HOOK1: variants seen among roughly 807,000 people sequenced by gnomAD.
HOOK1 encodes protein Hook homolog 1.
Under a neutral mutation model 112.8 loss-of-function variants are expected in HOOK1, and 60 were observed. That is an observed-to-expected ratio of 0.53 (90% CI 0.43 to 0.66). HOOK1 has a LOEUF of 0.66. Ranked by LOEUF, HOOK1 falls within the 30% of genes least tolerant of loss-of-function variation. The pLI is 0.00. For synonymous variants in HOOK1, 294 were observed against 283.8 expected (o/e 1.04, Z -0.36); for missense variants, 770 against 856.0 (o/e 0.90, Z 1.25).
intron 1 of HOOK1, chr1:59,815,386 G>A (rs2098380512): frequency 1.7e-6 from 1 of 589,954 alleles, no homozygotes; most frequent in Admixed American, 3.0e-5. Context: ...GGGGGTGGGG[G>A]TAAAGGAAGC....
intron 3 of HOOK1, among the ~76,000 whole-genome samples, chr1:59,831,949 G>A (rs1305803322): frequency 2.6e-5 from 4 of 152,148 alleles, no homozygotes; most frequent in African/African-American, 9.7e-5. Flanking sequence ...TGAGTTCATT[G>A]TGACCCACTT....
intron 12 of HOOK1, among the ~76,000 whole-genome samples, chr1:59,856,066 C>T (rs1489806180): frequency 7.2e-6 from 1 of 138,032 alleles, no homozygotes; most frequent in African/African-American, 2.7e-5. Context: ...GGAATCTGCC[C>T]ACCTCAGCCT....
chr1:59,872,337 G>A (rs895934548), intron 21 of HOOK1, among the ~76,000 whole-genome samples: 13 of 152,120 alleles, frequency 8.5e-5, no homozygotes, highest in African/African-American at 2.4e-5. Flanking sequence ...ATTGCTAGAC[G>A]CACTGGCAGA....
chr1:59,867,168 T>A (rs922253324), intron 19 of HOOK1, among the ~76,000 whole-genome samples: 1 of 152,220 alleles, frequency 6.6e-6, no homozygotes, highest in African/African-American at 2.4e-5. Context: ...GTTAAGATAC[T>A]GGCTAAAGTA....
At chr1:59,829,097 G>T (rs2098392031) in intron 3 of HOOK1, among the ~76,000 whole-genome samples, 2 of 152,174 alleles carry the variant, frequency 1.3e-5, no homozygotes, top group South Asian at 4.1e-4. Flanking sequence ...GCCCTAGGTA[G>T]CTATAGATCT....
chr1:59,865,997 C>G, intron 19 of HOOK1, 25 bp downstream of exon 19: 1 of 1,313,134 alleles, frequency 7.6e-7, no homozygotes, highest in Non-Finnish European at 1.1e-6. Flanking sequence ...TTTCGGAGCT[C>G]AAGACTTTGT....
intron 12 of HOOK1, among the ~76,000 whole-genome samples, chr1:59,851,093 T>C (rs766810512): frequency 6.6e-6 from 1 of 151,628 alleles, no homozygotes; most frequent in Non-Finnish European, 1.5e-5. Context: ...TGTAGTTAAG[T>C]TTTGAAATTG....
chr1:59,868,412 T>G, intron 20 of HOOK1, 61 bp downstream of exon 20: 1 of 933,314 alleles, frequency 1.1e-6, no homozygotes, highest in Admixed American at 2.0e-5. Flanking sequence ...AATTAACTGC[T>G]GTCATATATT....
chr1:59,826,954 C>T (rs186778702), intron 2 of HOOK1, among the ~76,000 whole-genome samples: 9 of 151,978 alleles, frequency 5.9e-5, no homozygotes, highest in South Asian at 2.1e-4. Context: ...CAGTAGAGAA[C>T]GGGCTTCTCC....
At chr1:59,820,321 G>T (rs1217210839) in intron 1 of HOOK1, among the ~76,000 whole-genome samples, 1 of 152,150 alleles carries the variant, frequency 6.6e-6, no homozygotes, top group Non-Finnish European at 1.5e-5. Flanking sequence ...CATCTTGTGA[G>T]GTAGAAACTA....
intron 9 of HOOK1, among the ~76,000 whole-genome samples, chr1:59,844,728 A>G (rs1412707019): frequency 6.6e-6 from 1 of 151,898 alleles, no homozygotes; most frequent in Non-Finnish European, 1.5e-5. Context: ...TAAATATTTA[A>G]TTTCACTCGG....
chr1:59,828,949 CT>C, intron 3 of HOOK1, 97 bp downstream of exon 3: 2 of 908,336 alleles, frequency 2.2e-6, no homozygotes. Flanking sequence ...ACTTATAGTA[CT>C]TTTTGTTGTG....
chr1:59,860,333 T>TA lies in HOOK1; in HGVS notation c.1532+6dup. 7.7e-6 allele frequency: 12 copies of TA among 1,568,110 alleles called. No individual in the cohort carries two copies. The highest frequency in any genetic ancestry group is 1.0e-5 in the Non-Finnish European group (12 of 1,160,254). On this transcript the variant is annotated splice_donor_region_variant and intron_variant, in intron 15 of 21. Transcript: ENST00000371208. ...TGAACTGGAAACTGAGCAGAGGTGA[T>TA]ATGCTCCTTAGTAACTGAAAATCTT... is the stretch of plus-strand genomic sequence containing the variant.
chr1:59,852,216 A>G (rs570006505), intron 12 of HOOK1, among the ~76,000 whole-genome samples: 1 of 151,874 alleles, frequency 6.6e-6, no homozygotes, highest in South Asian at 2.1e-4. Flanking sequence ...GGGAAAGTTC[A>G]TGAAAATTGG....
chr1:59,855,982 ATATTTTTTTTTTT>A (rs2098410505), intron 12 of HOOK1, among the ~76,000 whole-genome samples: 5 of 64,990 alleles, frequency 7.7e-5, no homozygotes, highest in Admixed American at 7.2e-4. Context: ...ATATATATAT[ATATTTTTTTTTTT>A]TTTTTTTTTT....
intron 12 of HOOK1, among the ~76,000 whole-genome samples, chr1:59,854,112 C>T (rs2098409233): frequency 8.2e-6 from 1 of 121,296 alleles, no homozygotes; most frequent in Admixed American, 1.0e-4. Context: ...AGTGCAGTGA[C>T]ACGATTTTGG....
Position 59,873,120 on chromosome 1 carries a change from C to T in HOOK1, c.*155C>T, listed in dbSNP as rs538277659. The T allele has an allele frequency of 2.1e-4, 124 of 585,066 alleles. No individual in the cohort carries two copies. The African/African-American group carries it at 2.2e-3, about 10-fold the overall frequency. The allele number at this position is 585,066 out of a possible 1,614,324, so 36.2% of individuals were successfully genotyped here. On this transcript the variant is annotated 3_prime_UTR_variant, in exon 22 of 22. Coordinates refer to ENST00000371208, the MANE Select transcript of HOOK1 (RefSeq NM_015888.6). ...TCAACATGCATCAAATTAATTTTGC[C>T]AGTTGACTTTAAAAACAAATTATAG... is the stretch of plus-strand genomic sequence containing the variant.
intron 21 of HOOK1, among the ~76,000 whole-genome samples, chr1:59,871,382 T>C (rs551178861): frequency 7.4e-4 from 113 of 152,362 alleles, no homozygotes; most frequent in African/African-American, 2.6e-3. Context: ...TAATAATTCA[T>C]AAACCTTTTT....
intron 13 of HOOK1, 61 bp downstream of exon 13, chr1:59,858,576 C>CA: frequency 9.0e-7 from 1 of 1,105,414 alleles, no homozygotes; most frequent in South Asian, 1.3e-5. Flanking sequence ...CTCCATTCAA[C>CA]AAAAAATAAA....
Sources: gnomAD v4.1 joint callset for allele counts (sites outside exome capture counted in the v4.1 genomes callset) on GRCh38, gnomAD v4.1.1 for gene constraint, MANE v1.5 for transcripts, NCBI Gene and HGNC (gene_info 2026-07-23, HGNC 2026-07-21) for gene names.